Variants in KIRREL3 observed in about 807,000 individuals in gnomAD.
KIRREL3 encodes kirre like nephrin family adhesion molecule 3.
KIRREL3 carries 36 observed loss-of-function variants against 89.7 expected under a neutral mutation model. That is an observed-to-expected ratio of 0.40 (90% CI 0.31 to 0.53). The LOEUF is 0.53. Ranked by LOEUF, KIRREL3 falls within the 20% of genes least tolerant of loss-of-function variation. The pLI is 0.49. For synonymous variants in KIRREL3, 445 were observed against 441.4 expected (o/e 1.01, Z -0.10); for missense variants, 864 against 1,056.6 (o/e 0.82, Z 2.53).
At chr11:126,866,775 G>A (rs1453712271) in intron 1 of KIRREL3, among the ~76,000 whole-genome samples, 3 of 152,116 alleles carry the variant, frequency 2.0e-5, no homozygotes, top group Admixed American at 1.3e-4. Flanking sequence ...TGACGCAGAC[G>A]CGAGGAGAAT....
At chr11:126,629,407 G>A (rs1943925314) in intron 1 of KIRREL3, among the ~76,000 whole-genome samples, 1 of 152,160 alleles carries the variant, frequency 6.6e-6, no homozygotes, top group Non-Finnish European at 1.5e-5. Flanking sequence ...GGGCCAGCTG[G>A]GAGACTTCTG....
At chr11:126,663,421 G>C (rs1300561982) in intron 1 of KIRREL3, among the ~76,000 whole-genome samples, 1 of 152,008 alleles carries the variant, frequency 6.6e-6, no homozygotes, top group African/African-American at 2.4e-5. Flanking sequence ...TCCTGACCTC[G>C]TGATCCGCCT....
intron 1 of KIRREL3, among the ~76,000 whole-genome samples, chr11:126,626,930 C>T (rs1943811538): frequency 6.6e-6 from 1 of 152,064 alleles, no homozygotes; most frequent in Non-Finnish European, 1.5e-5. Flanking sequence ...ATCGCTTGAA[C>T]CCAGTGGGGC....
intron 1 of KIRREL3, among the ~76,000 whole-genome samples, chr11:126,625,841 G>C (rs1007802239): frequency 6.6e-6 from 1 of 152,118 alleles, no homozygotes; most frequent in Non-Finnish European, 1.5e-5. Context: ...AGTTATGAGT[G>C]GTCCTTTCTC....
intron 2 of KIRREL3, among the ~76,000 whole-genome samples, chr11:126,533,348 A>G (rs1295981486): frequency 2.0e-5 from 3 of 152,126 alleles, no homozygotes; most frequent in Non-Finnish European, 4.4e-5. Flanking sequence ...CCTCGCCCCC[A>G]GGAACTCATA....
In KIRREL3 at chr11:126,528,202, C is replaced by A. The variant is rs566595758; in HGVS notation, c.134-1515G>T. Among the ~76,000 whole-genome samples, 4 of 152,336 alleles carry A rather than the reference C, an allele frequency of 2.6e-5. No individual in the cohort carries two copies. The East Asian group carries it at 7.7e-4, about 29-fold the overall frequency. On this transcript the variant is annotated intron_variant, in intron 2 of 16. Transcript: ENST00000525144. This position sits in a 1 kb window ranked among gnomAD's most constrained non-coding sequence, Gnocchi z 4.6. ...AACCGAGGCAAAACTGGACCTGGCG[C>A]TCCAGCTGCTGATGCTGTGGCCTCT...
At position 126,475,572 on chromosome 11, in the gene KIRREL3, CGA is replaced by C. The variant is rs1239438499; in HGVS notation, c.434-2108_434-2107del. On this transcript the variant is annotated intron_variant, in intron 4 of 16. Coordinates refer to ENST00000525144, the MANE Select transcript of KIRREL3 (RefSeq NM_032531.4). This position sits in a 1 kb window ranked among gnomAD's most constrained non-coding sequence, Gnocchi z 7.5. The stretch of plus-strand genomic sequence containing the variant: ...AGGGGCAGCGAGCCCCGGACTCCAC[CGA>C]GATCCTGGCTCAGGAACAGAGTCTG... 6.6e-6 allele frequency among the ~76,000 whole-genome samples: 1 copy of C among 152,228 alleles called. No homozygotes were observed. Among genetic ancestry groups the C allele is most frequent in the Non-Finnish European group, 1.5e-5 (1 of 68,036 alleles).
intron 1 of KIRREL3, among the ~76,000 whole-genome samples, chr11:126,988,284 C>T (rs559202993): frequency 1.3e-5 from 2 of 152,294 alleles, no homozygotes; most frequent in African/African-American, 4.8e-5. Flanking sequence ...GTTGTGGAGG[C>T]AGAGAGCAGT....
At position 126,995,525 on chromosome 11, in the gene KIRREL3, C is replaced by G; in HGVS notation, c.55+4930G>C. On this transcript the variant is annotated intron_variant, in intron 1 of 16. Coordinates refer to ENST00000525144, the MANE Select transcript of KIRREL3 (RefSeq NM_032531.4). This position sits in a 1 kb window ranked among gnomAD's most constrained non-coding sequence, Gnocchi z 6.5. ...TGTAGCTGCAAAATAATGCCTATGC[C>G]CCTCTAGCCCCCTTAGCATCCCCCA... The G allele has an allele frequency of 2.8e-6, 1 of 354,622 alleles. No homozygotes were observed. The highest frequency in any genetic ancestry group is 2.1e-5 in the South Asian group (1 of 46,890). 22.0% of individuals were successfully genotyped at this position (354,622 alleles called of 1,614,324 possible).
intron 1 of KIRREL3, among the ~76,000 whole-genome samples, chr11:126,613,931 A>C (rs191367353): frequency 7.7e-6 from 1 of 130,456 alleles, no homozygotes; most frequent in Admixed American, 9.3e-5. Context: ...CAGGGGAGTG[A>C]ACCTGAAGGT....
In KIRREL3 at chr11:126,594,673, C is replaced by A. The variant is rs58145429; in HGVS notation, c.56-31761G>T. Among the ~76,000 whole-genome samples, 1,308 of 151,718 alleles carry A rather than the reference C, an allele frequency of 8.6e-3. 17 individuals carry two copies. The highest frequency in any genetic ancestry group is 0.029 in the African/African-American group (1,203 of 41,030). On this transcript the variant is annotated intron_variant, in intron 1 of 16. Coordinates refer to ENST00000525144, the MANE Select transcript of KIRREL3 (RefSeq NM_032531.4). The surrounding 1 kb of genome is among the most constrained non-coding windows in gnomAD (Gnocchi z 5.0). ...CCGCAGCAGAAACTATCTCTAAGGC[C>A]AGCTCTTAAATTCTCTAACCCATGC...
In KIRREL3 at chr11:126,614,915, G is replaced by A. The variant is rs1183390371; in HGVS notation, c.56-52003C>T. Reference sequence around the variant, plus strand: ...CGGTAAAATAGCTTTGTTCCTTGGAGAAAGTCATGTAGAGAGATAAGGTAG... The same window carrying A: ...CGGTAAAATAGCTTTGTTCCTTGGAAAAAGTCATGTAGAGAGATAAGGTAG... On this transcript the variant is annotated intron_variant, in intron 1 of 16. Transcript: ENST00000525144. The surrounding 1 kb of genome is among the most constrained non-coding windows in gnomAD (Gnocchi z 4.6). Among the ~76,000 whole-genome samples the A allele has an allele frequency of 6.6e-6, 1 of 152,172 alleles. No individual in the cohort carries two copies. Among genetic ancestry groups the A allele is most frequent in the Non-Finnish European group, 1.5e-5 (1 of 68,040 alleles).
In KIRREL3 at chr11:126,462,723, C is replaced by G. The variant is rs1342781796; in HGVS notation, c.742+434G>C. Among the ~76,000 whole-genome samples the G allele has an allele frequency of 6.6e-6, 1 of 152,054 alleles. No homozygotes were observed. Among genetic ancestry groups the G allele is most frequent in the Non-Finnish European group, 1.5e-5 (1 of 68,016 alleles). Reference sequence around the variant, plus strand: ...ACATGTAGATTTCCTTCTTCTTGTCCCCTTGATCAACCCTTCCATGAGAGT... The same window carrying G: ...ACATGTAGATTTCCTTCTTCTTGTCGCCTTGATCAACCCTTCCATGAGAGT... On this transcript the variant is annotated intron_variant, in intron 6 of 16. Transcript: ENST00000525144. This position sits in a 1 kb window ranked among gnomAD's most constrained non-coding sequence, Gnocchi z 4.8.
chr11:126,944,792 T>C (rs1302638979), intron 1 of KIRREL3: 1 of 152,242 alleles, frequency 6.6e-6, no homozygotes, highest in Non-Finnish European at 1.5e-5. Flanking sequence ...CCTTCTCCAT[T>C]GCTCCTGGGG....
At position 126,564,691 on chromosome 11, in the gene KIRREL3, C is replaced by T. The variant is rs1940386393; in HGVS notation, c.56-1779G>A. ...CAGGGGCTCCTGCTCTGTCGCAGGC[C>T]TCATGGATCAAAGCCCCTTTGATGT... On this transcript the variant is annotated intron_variant, in intron 1 of 16. Transcript: ENST00000525144. This position sits in a 1 kb window ranked among gnomAD's most constrained non-coding sequence, Gnocchi z 7.4. 1.3e-5 allele frequency among the ~76,000 whole-genome samples: 2 copies of T among 152,172 alleles called. No individual in the cohort carries two copies. Among genetic ancestry groups the T allele is most frequent in the African/African-American group, 4.8e-5 (2 of 41,442 alleles).
At position 126,676,214 on chromosome 11, in the gene KIRREL3, G is replaced by A. The variant is rs1946181628; in HGVS notation, c.56-113302C>T. Reference sequence around the variant, plus strand: ...GGGTGTCATCAGCATCAAGGTGCTAGTAACTATCACGGGCAAAGATGAAAT... The same window carrying A: ...GGGTGTCATCAGCATCAAGGTGCTAATAACTATCACGGGCAAAGATGAAAT... On this transcript the variant is annotated intron_variant, in intron 1 of 16. Transcript: ENST00000525144. This position sits in a 1 kb window ranked among gnomAD's most constrained non-coding sequence, Gnocchi z 4.5. Among the ~76,000 whole-genome samples, 2 of 152,146 alleles carry A rather than the reference G, an allele frequency of 1.3e-5. No homozygotes were observed. Among genetic ancestry groups the A allele is most frequent in the South Asian group, 4.1e-4 (2 of 4,824 alleles).
Position 126,814,457 on chromosome 11 carries a change from T to C in KIRREL3, c.55+185998A>G, listed in dbSNP as rs1951493548. Reference sequence around the variant, plus strand: ...AATATAAATCATTGTATTATAAAGATACATGCACTACATATGTTCATTGCA... The same window carrying C: ...AATATAAATCATTGTATTATAAAGACACATGCACTACATATGTTCATTGCA... On this transcript the variant is annotated intron_variant, in intron 1 of 16. Coordinates refer to ENST00000525144, the MANE Select transcript of KIRREL3 (RefSeq NM_032531.4). This position sits in a 1 kb window ranked among gnomAD's most constrained non-coding sequence, Gnocchi z 4.4. 6.6e-6 allele frequency among the ~76,000 whole-genome samples: 1 copy of C among 152,112 alleles called. No homozygotes were observed. Among genetic ancestry groups the C allele is most frequent in the African/African-American group, 2.4e-5 (1 of 41,420 alleles).
At chr11:126,493,723 T>C (rs1420492468) in intron 4 of KIRREL3, among the ~76,000 whole-genome samples, 1 of 145,940 alleles carries the variant, frequency 6.9e-6, no homozygotes, top group Non-Finnish European at 1.5e-5. Flanking sequence ...GAGGTTTCCC[T>C]ACAGCCCCCC....
rs11220490 is a variant in KIRREL3, at chr11:126,427,714, C to G, written c.1806+1465G>C. Among the ~76,000 whole-genome samples, 2 of 151,976 alleles carry G rather than the reference C, an allele frequency of 1.3e-5. No individual in the cohort carries two copies. The highest frequency in any genetic ancestry group is 2.9e-5 in the Non-Finnish European group (2 of 67,998). On this transcript the variant is annotated intron_variant, in intron 15 of 16. Coordinates refer to ENST00000525144, the MANE Select transcript of KIRREL3 (RefSeq NM_032531.4). This position sits in a 1 kb window ranked among gnomAD's most constrained non-coding sequence, Gnocchi z 5.3. Reference sequence around the variant, plus strand: ...TTGTCCAGCAGATGTGGGGAGCCACCGAGGGATTTTAAGTGGGCAAGTAAC... The same window carrying G: ...TTGTCCAGCAGATGTGGGGAGCCACGGAGGGATTTTAAGTGGGCAAGTAAC...
Sources: allele counts gnomAD v4.1 joint callset (sites outside exome capture counted in the v4.1 genomes callset), GRCh38; gene constraint gnomAD v4.1.1; non-coding constraint Gnocchi (gnomAD v3.1); transcripts MANE v1.5; gene names NCBI Gene and HGNC (gene_info 2026-07-23, HGNC 2026-07-21).